MT1X: variants seen among roughly 807,000 people sequenced by gnomAD.
The protein encoded by MT1X is metallothionein-1X.
A neutral mutation model predicts 8.6 loss-of-function variants in MT1X; 7 were observed. The observed-to-expected ratio is 0.81, with a 90% confidence interval of 0.46 to 1.52. The LOEUF is 1.52. Among genes scored for constraint, MT1X ranks in the 40% most tolerant of loss-of-function variants. The pLI, the probability that MT1X is intolerant of heterozygous loss-of-function variation, is 0.01. For missense variants in MT1X, 72 were observed against 74.3 expected (o/e 0.97, Z 0.11); for synonymous variants, 25 against 27.6 (o/e 0.91, Z 0.30).
intron 1 of MT1X, 160 bp from the exon 2 acceptor site, chr16:56,683,005 G>T: frequency 1.2e-6 from 1 of 832,894 alleles, no homozygotes; most frequent in South Asian, 1.7e-5. Flanking sequence ...CCAAAATGAA[G>T]GGAGAGGAGA....
Position 56,682,545 on chromosome 16 carries a change from A to G in MT1X, c.5A>G (p.Asp2Gly). 1.2e-6 allele frequency: 2 copies of G among 1,613,960 alleles called. No individual in the cohort carries two copies. The highest frequency in any genetic ancestry group is 1.7e-6 in the Non-Finnish European group (2 of 1,179,990). Reference protein sequence around the residue: MDPNCSCSPVGS... With the variant: MGPNCSCSPVGS... ...CCTGCTTCTCCTTGCCTCGAAATGG[A>G]CCCCAACTGCTCCTGCTCGCCTGGT... Residue 2 changes from aspartate to glycine, a missense_variant, in exon 1 of 3, where the codon GAC becomes GGC. Transcript: ENST00000394485.
At chr16:56,683,371 A>C in intron 2 of MT1X, 141 bp downstream of exon 2, 3 of 962,712 alleles carry the variant, frequency 3.1e-6, no homozygotes, top group Non-Finnish European at 3.1e-6. Context: ...CAGACCTCAA[A>C]TTGCCTTAAA....
At chr16:56,683,411 A>T (rs1266131416) in intron 2 of MT1X, 181 bp downstream of exon 2, 3 of 639,828 alleles carry the variant, frequency 4.7e-6, no homozygotes, top group Non-Finnish European at 5.2e-6. Flanking sequence ...CTTATTACCA[A>T]ACTAGAAACT....
chr16:56,683,421 T>G, intron 2 of MT1X, 191 bp downstream of exon 2: 2 of 614,116 alleles, frequency 3.3e-6, no homozygotes, highest in Non-Finnish European at 5.6e-6. Context: ...AACTAGAAAC[T>G]GAGGCCCAGA....
In MT1X at chr16:56,682,504, C is replaced by T. The variant is rs534868319; in HGVS notation, c.-37C>T. ...TTCATCTGTCCCGCTGCGTGTTTTC[C>T]TCTTGATCGGGAACTCCTGCTTCTC... On this transcript the variant is annotated 5_prime_UTR_variant, in exon 1 of 3. Transcript: ENST00000394485. The T allele has an allele frequency of 1.3e-5, 21 of 1,613,946 alleles. No homozygotes were observed. The East Asian group carries it at 1.6e-4, about 12-fold the overall frequency.
At chr16:56,683,790 A>G (rs1961030361) in intron 2 of MT1X, 168 bp from the exon 3 acceptor site, 2 of 1,037,104 alleles carry the variant, frequency 1.9e-6, no homozygotes, top group Admixed American at 4.6e-5. Context: ...GCTTTTTCAT[A>G]TAAAACCCTC....
Position 56,683,999 on chromosome 16 carries a change from C to T in MT1X, c.136C>T (p.Gln46Ter), listed in dbSNP as rs377635444. The T allele has an allele frequency of 6.2e-7, 1 of 1,614,064 alleles. No individual in the cohort carries two copies. Among genetic ancestry groups the T allele is most frequent in the Non-Finnish European group, 8.5e-7 (1 of 1,180,036 alleles). The part of the protein sequence containing the change: ...CCPVGCAKCA[Q>*]GCICKGTSDK... ...CCCTGTGGGCTGTGCCAAGTGTGCC[C>T]AGGGCTGCATCTGCAAAGGGACGTC... The change falls in exon 3 of 3, where the codon CAG (glutamine) becomes TAG (stop). Residue 46 changes from glutamine to a stop codon, truncating the protein, a stop_gained. Transcript: ENST00000394485. LOFTEE classifies it high-confidence loss of function.
chr16:56,683,348 C>G (rs1285077176), intron 2 of MT1X, 118 bp downstream of exon 2: 1 of 1,186,424 alleles, frequency 8.4e-7, no homozygotes, highest in Non-Finnish European at 1.2e-6. Context: ...TCCTTCAACA[C>G]CTGATTCAGA....
At chr16:56,682,660 C>T (rs1281433491) in intron 1 of MT1X, 92 bp downstream of exon 1, 3 of 1,506,902 alleles carry the variant, frequency 2.0e-6, no homozygotes, top group African/African-American at 2.8e-5. Flanking sequence ...ATTTAAAGTT[C>T]TGAGCTGAAG....
chr16:56,682,494 G>A lies in MT1X; in HGVS notation c.-47G>A, dbSNP rs1961012339. 6.2e-7 allele frequency: 1 copy of A among 1,611,692 alleles called. No individual in the cohort carries two copies. Among genetic ancestry groups the A allele is most frequent in the Non-Finnish European group, 8.5e-7 (1 of 1,177,792 alleles). On this transcript the variant is annotated 5_prime_UTR_variant, in exon 1 of 3. Coordinates refer to ENST00000394485, the MANE Select transcript of MT1X (RefSeq NM_005952.4). ...CACCACGCTTTTCATCTGTCCCGCT[G>A]CGTGTTTTCCTCTTGATCGGGAACT...
exon 3 of MT1X, chr16:56,684,194 CTA>C: frequency 9.8e-7 from 1 of 1,019,824 alleles, no homozygotes; most frequent in Non-Finnish European, 1.4e-6. Flanking sequence ...TTCATCTAGA[CTA>C]TTCTGGCTCT....
intron 2 of MT1X, 84 bp from the exon 3 acceptor site, chr16:56,683,874 C>A: frequency 6.3e-7 from 1 of 1,579,280 alleles, no homozygotes; most frequent in Non-Finnish European, 8.6e-7. Context: ...GGGCTGGAGG[C>A]AGGGCTCGAG....
At chr16:56,683,836 C>T in intron 2 of MT1X, 122 bp from the exon 3 acceptor site, 1 of 1,399,764 alleles carries the variant, frequency 7.1e-7, no homozygotes, top group Non-Finnish European at 9.9e-7. Context: ...CTGACAAAGC[C>T]ATGCCATCCT....
At chr16:56,683,297 T>C in intron 2 of MT1X, 67 bp downstream of exon 2, 5 of 1,594,148 alleles carry the variant, frequency 3.1e-6, no homozygotes, top group South Asian at 1.1e-5. Context: ...CCCAGAGCTC[T>C]GCAGGCAGGG....
rs748390395 is a variant in MT1X at position 56,684,091 on chromosome 16, A to G, written c.*42A>G. 2 of 1,540,858 alleles carry G rather than the reference A, an allele frequency of 1.3e-6. No individual in the cohort carries two copies. The highest frequency in any genetic ancestry group is 1.4e-5 in the African/African-American group (1 of 70,004). On this transcript the variant is annotated 3_prime_UTR_variant, in exon 3 of 3. Coordinates refer to ENST00000394485, the MANE Select transcript of MT1X (RefSeq NM_005952.4). ...CTCTCAGATGTAAATAGAGCAACCT[A>G]TATAAACCTGGATTTTTTTTTTTTT...
intron 2 of MT1X, chr16:56,683,692 TG>T: frequency 2.0e-6 from 1 of 494,100 alleles, no homozygotes; most frequent in Non-Finnish European, 3.6e-6. Flanking sequence ...GGGTAGGTTT[TG>T]GGGAACTGGC....
intron 1 of MT1X, 45 bp downstream of exon 1, chr16:56,682,613 C>G (rs372899137): frequency 6.2e-7 from 1 of 1,611,458 alleles, no homozygotes; most frequent in South Asian, 1.1e-5. Context: ...CGTTTCCCAG[C>G]CACAGTACAG....
chr16:56,682,764 T>C, intron 1 of MT1X, 196 bp downstream of exon 1: 1 of 692,342 alleles, frequency 1.4e-6, no homozygotes, highest in Non-Finnish European at 2.4e-6. Flanking sequence ...TTGAGGGTAC[T>C]GAGGCCCAAG....
Position 56,683,135 on chromosome 16 carries a change from A to C in MT1X, c.29-30A>C, listed in dbSNP as rs747698988. 4 of 1,613,110 alleles carry C rather than the reference A, an allele frequency of 2.5e-6. No homozygotes were observed. In the East Asian group the frequency reaches 6.7e-5, roughly 27 times the overall value. On this transcript the variant is annotated intron_variant, in intron 1 of 2. Coordinates refer to ENST00000394485, the MANE Select transcript of MT1X (RefSeq NM_005952.4). ...TGCTGTACCTTCTGCATCTCACTCC[A>C]CGCTCACTGCCTTTTTCTCTTCCTT...
Sources: gnomAD v4.1 joint callset for allele counts on GRCh38, gnomAD v4.1.1 for gene constraint, MANE v1.5 for transcripts, NCBI Gene and HGNC (gene_info 2026-07-23, HGNC 2026-07-21) for gene names.